The following ATP9B variants were observed in gnomAD, a reference collection of about 807,000 sequenced individuals.
ATP9B encodes probable phospholipid-transporting ATPase IIB.
ATP9B carries 110 observed loss-of-function variants against 146.1 expected under a neutral mutation model. That is an observed-to-expected ratio of 0.75 (90% CI 0.65 to 0.88). The LOEUF is 0.88. Among genes scored for constraint, ATP9B ranks in the 40% least tolerant of loss-of-function variants. The pLI is 0.00. For missense variants in ATP9B, 1,499 were observed against 1,496.4 expected (o/e 1.00, Z -0.03); for synonymous variants, 604 against 569.7 (o/e 1.06, Z -0.86).
chr18:79,191,175 ATTAT>A (rs2095362947), intron 8 of ATP9B, among the ~76,000 whole-genome samples: 1 of 152,146 alleles, frequency 6.6e-6, no homozygotes, highest in Non-Finnish European at 1.5e-5. Context: ...TTCTGACTCC[ATTAT>A]TTATAATGAG....
At position 79,300,462 on chromosome 18, in the gene ATP9B, A is replaced by C. The variant is rs115073006; in HGVS notation, c.1412-3142A>C. On this transcript the variant is annotated intron_variant, in intron 13 of 29. Coordinates refer to ENST00000426216, the MANE Select transcript of ATP9B (RefSeq NM_198531.5). ...GCGGGGCCAGACAGGCCCCTTGCAGATGTCTCAGCAGGTGCTGAGGGACAG... is the reference window on the plus strand; with the variant it reads ...GCGGGGCCAGACAGGCCCCTTGCAGCTGTCTCAGCAGGTGCTGAGGGACAG... Among the ~76,000 whole-genome samples the C allele has an allele frequency of 9.5e-3, 1,444 of 152,250 alleles. 28 individuals carry two copies. Among genetic ancestry groups the C allele is most frequent in the African/African-American group, 0.033 (1,387 of 41,538 alleles).
chr18:79,318,151 G>A (rs574797453), intron 15 of ATP9B, among the ~76,000 whole-genome samples: 1 of 152,356 alleles, frequency 6.6e-6, no homozygotes, highest in South Asian at 2.1e-4. Flanking sequence ...AAAGGATCAT[G>A]TATGTAGCTA....
Position 79,354,730 on chromosome 18 carries a change from G to A in ATP9B, c.2904-4624G>A, listed in dbSNP as rs547230745. ...GTGGAGAGCGAGGTGAACAGAGGGG[G>A]CAAGGGGCGAGGCGGCAGGAGCTCC... On this transcript the variant is annotated intron_variant, in intron 25 of 29. Coordinates refer to ENST00000426216, the MANE Select transcript of ATP9B (RefSeq NM_198531.5). 3.3e-5 allele frequency among the ~76,000 whole-genome samples: 5 copies of A among 151,804 alleles called. No homozygotes were observed. In the East Asian group the frequency reaches 9.7e-4, roughly 29 times the overall value.
At chr18:79,087,993 A>C (rs975119603) in intron 1 of ATP9B, among the ~76,000 whole-genome samples, 5 of 152,234 alleles carry the variant, frequency 3.3e-5, no homozygotes, top group African/African-American at 4.8e-5. Flanking sequence ...GGCAACAAAG[A>C]CACTTAAGAT....
intron 2 of ATP9B, 127 bp downstream of exon 2, chr18:79,096,776 G>A (rs1300827489): frequency 1.3e-6 from 1 of 770,192 alleles, no homozygotes; most frequent in African/African-American, 1.8e-5. Flanking sequence ...ATATCATGGA[G>A]ATTATCAGTA....
intron 7 of ATP9B, among the ~76,000 whole-genome samples, chr18:79,166,160 C>G (rs2094961603): frequency 6.6e-6 from 1 of 152,154 alleles, no homozygotes. Flanking sequence ...GAAAAATAGC[C>G]TGGCAGAGTT....
intron 9 of ATP9B, among the ~76,000 whole-genome samples, chr18:79,198,983 A>C (rs139478992): frequency 1.3e-3 from 190 of 151,630 alleles, no homozygotes; most frequent in African/African-American, 4.4e-3. Flanking sequence ...AGACAGTCTC[A>C]CTCTGTTGCC....
At chr18:79,336,738 C>T in intron 18 of ATP9B, 27 bp downstream of exon 18, 1 of 1,607,204 alleles carries the variant, frequency 6.2e-7, no homozygotes, top group East Asian at 2.2e-5. Context: ...CCATCCCATC[C>T]TCCTACGACG....
chr18:79,228,754 A>C (rs11081524), intron 11 of ATP9B, among the ~76,000 whole-genome samples: 2 of 152,056 alleles, frequency 1.3e-5, no homozygotes, highest in African/African-American at 2.4e-5. Flanking sequence ...AGCTGGCTGG[A>C]CATGGTTCGC....
At chr18:79,265,922 TA>T (rs1217598763) in intron 12 of ATP9B, among the ~76,000 whole-genome samples, 1 of 152,206 alleles carries the variant, frequency 6.6e-6, no homozygotes, top group African/African-American at 2.4e-5. Flanking sequence ...GTATATGGTG[TA>T]AAGAAGGGGT....
In ATP9B at chr18:79,372,813, C is replaced by T; in HGVS notation, c.3013-12C>T. ...TCTGCGCACTAACGACGCTCTTCCA[C>T]TGTTTCCCTAGGGAAGATCCTTGTC... On this transcript the variant is annotated splice_polypyrimidine_tract_variant and intron_variant, in intron 26 of 29. Coordinates refer to ENST00000426216, the MANE Select transcript of ATP9B (RefSeq NM_198531.5). The T allele has an allele frequency of 1.3e-6, 2 of 1,595,862 alleles. No homozygotes were observed. The highest frequency in any genetic ancestry group is 1.7e-6 in the Non-Finnish European group (2 of 1,163,460).
At chr18:79,102,735 A>G (rs2075372896) in intron 2 of ATP9B, among the ~76,000 whole-genome samples, 1 of 152,140 alleles carries the variant, frequency 6.6e-6, no homozygotes, top group Non-Finnish European at 1.5e-5. Context: ...GGGGATTGAC[A>G]TGTTTCCTAT....
At chr18:79,144,109 A>C (rs2094548035) in intron 6 of ATP9B, 1 of 286,410 alleles carries the variant, frequency 3.5e-6, no homozygotes, top group African/African-American at 2.2e-5. Context: ...TTAATGTTGC[A>C]TTATCAAGAT....
At chr18:79,199,801 C>T (rs1462338218) in intron 9 of ATP9B, among the ~76,000 whole-genome samples, 1 of 151,524 alleles carries the variant, frequency 6.6e-6, no homozygotes, top group African/African-American at 2.4e-5. Flanking sequence ...CACACACACA[C>T]ACACATTAGC....
At chr18:79,350,078 C>T (rs917803012) in intron 25 of ATP9B, among the ~76,000 whole-genome samples, 4 of 152,252 alleles carry the variant, frequency 2.6e-5, no homozygotes, top group South Asian at 2.1e-4. Context: ...CAGACTCTGG[C>T]GGATTCTAGG....
chr18:79,101,333 A>AT (rs1389405183), intron 2 of ATP9B, among the ~76,000 whole-genome samples: 3 of 149,634 alleles, frequency 2.0e-5, no homozygotes, highest in East Asian at 3.9e-4. Flanking sequence ...AAATTGTTCT[A>AT]TTTTTTTTCC....
chr18:79,335,552 G>T (rs899291365), intron 17 of ATP9B, among the ~76,000 whole-genome samples: 1 of 152,126 alleles, frequency 6.6e-6, no homozygotes, highest in African/African-American at 2.4e-5. Context: ...GCTTTAACAC[G>T]CACATCAGGC....
Position 79,307,145 on chromosome 18 carries a change from GC to G in ATP9B, c.1686del (p.Gly563AlafsTer53). 1.2e-6 allele frequency: 2 copies of G among 1,614,208 alleles called. No individual in the cohort carries two copies. The highest frequency in any genetic ancestry group is 1.7e-5 in the Admixed American group (1 of 60,032). On this transcript the variant is annotated frameshift_variant, in exon 15 of 30. Transcript: ENST00000426216. LOFTEE classifies it high-confidence loss of function. ...CGTGACCCCCGTGTATGAGTCTCGGGCCGGCGTTACTGAGGAGACTGAGTTC... is the reference window on the plus strand; with the variant it reads ...CGTGACCCCCGTGTATGAGTCTCGGGCGGCGTTACTGAGGAGACTGAGTTC... ...HNVTPVYESRAGVTEETEFAE... is the reference protein window; with the variant it reads ...HNVTPVYESRXGVTEETEFAE...
intron 15 of ATP9B, among the ~76,000 whole-genome samples, chr18:79,323,209 C>T (rs1160376334): frequency 1.3e-5 from 2 of 152,114 alleles, no homozygotes; most frequent in Non-Finnish European, 2.9e-5. Context: ...CTCCGTTTAT[C>T]GTTGCTTCGC....
Sources: gnomAD v4.1 joint callset for allele counts (sites outside exome capture counted in the v4.1 genomes callset) on GRCh38, gnomAD v4.1.1 for gene constraint, MANE v1.5 for transcripts, NCBI Gene and HGNC (gene_info 2026-07-23, HGNC 2026-07-21) for gene names.